CLCN7: variants seen among roughly 807,000 people sequenced by gnomAD.
CLCN7 encodes H(+)/Cl(-) exchange transporter 7.
A neutral mutation model predicts 102.1 loss-of-function variants in CLCN7; 60 were observed. The observed-to-expected ratio is 0.59, with a 90% CI of 0.48 to 0.73. CLCN7 has a LOEUF of 0.73. Ranked by LOEUF, CLCN7 falls within the 30% of genes least tolerant of loss-of-function variation. CLCN7 has a pLI of 0.00. For synonymous variants in CLCN7, 560 were observed against 490.5 expected (o/e 1.14, Z -1.87); for missense variants, 962 against 1,125.7 (o/e 0.85, Z 2.08).
At chr16:1,474,381 G>A (rs2039121807) in intron 1 of CLCN7, 3 of 349,212 alleles carry the variant, frequency 8.6e-6, no homozygotes, top group South Asian at 6.3e-5. Flanking sequence ...ACAGTGACCC[G>A]GCTGCAATCT....
chr16:1,462,771 G>T (rs763092036), intron 2 of CLCN7, among the ~76,000 whole-genome samples: 4 of 151,420 alleles, frequency 2.6e-5, no homozygotes, highest in African/African-American at 9.8e-5. Context: ...AAACATGTAC[G>T]ATCAATTGAT....
intron 1 of CLCN7, 77 bp downstream of exon 1, chr16:1,474,757 C>T: frequency 2.6e-6 from 3 of 1,169,238 alleles, no homozygotes; most frequent in Non-Finnish European, 3.2e-6. Flanking sequence ...CGCGGCGCCG[C>T]CAGAAGGCTC....
Position 1,447,081 on chromosome 16 carries a change from C to G in CLCN7, c.2256G>C (p.Ala752=), listed in dbSNP as rs752493092. ...NPSPYTVPQE[A]SLPRVFKLFR... ...ACAGCTTGAACACCCGTGGGAGCGA[C>G]GCCTCCTGCAGCAGGGGCACAGCTG... is the stretch of plus-strand genomic sequence containing the variant. Residue 752 remains alanine, a synonymous_variant, in exon 24 of 25, where the codon GCG becomes GCC. Coordinates refer to ENST00000382745, the MANE Select transcript of CLCN7 (RefSeq NM_001287.6). 1.3e-6 allele frequency: 2 copies of G among 1,597,052 alleles called. No individual in the cohort carries two copies. Among genetic ancestry groups the G allele is most frequent in the African/African-American group, 2.7e-5 (2 of 74,680 alleles).
At chr16:1,448,214 ACT>A in intron 21 of CLCN7, 139 bp downstream of exon 21, 2 of 1,159,762 alleles carry the variant, frequency 1.7e-6, no homozygotes, top group South Asian at 2.8e-5. Context: ...ATGGCTGCAC[ACT>A]CAGCTTCCGG....
chr16:1,460,427 A>T lies in CLCN7; in HGVS notation c.585T>A (p.Ala195=). Residue 195 remains alanine (A), a synonymous_variant, in exon 6 of 25, where the codon GCT becomes GCA. Transcript: ENST00000382745. ...GCATCCTGCCACCCACCTCTATGAA[A>T]GCCACAATCACAGAGCCCACGAGCA... ...AFVLVGSVIV[A]FIEPVAAGSG... is the part of the protein sequence containing the mutation. The T allele has an allele frequency of 6.2e-7, 1 of 1,612,518 alleles. No individual in the cohort carries two copies. Among genetic ancestry groups the T allele is most frequent in the Non-Finnish European group, 8.5e-7 (1 of 1,178,900 alleles).
chr16:1,461,362 G>A (rs1165476590), intron 4 of CLCN7, 43 bp downstream of exon 4: 1 of 1,522,342 alleles, frequency 6.6e-7, no homozygotes, highest in Non-Finnish European at 8.9e-7. Context: ...CCGGCACCAG[G>A]CCCCGCACCG....
chr16:1,451,306 C>G (rs2038745915), intron 16 of CLCN7, among the ~76,000 whole-genome samples: 2 of 152,184 alleles, frequency 1.3e-5, no homozygotes, highest in South Asian at 4.1e-4. Flanking sequence ...CTTCTGGGCT[C>G]AAGCAATCCT....
intron 10 of CLCN7, 117 bp from the exon 11 acceptor site, chr16:1,455,912 T>G (rs1317538889): frequency 8.3e-7 from 1 of 1,207,278 alleles, no homozygotes; most frequent in African/African-American, 1.5e-5. Context: ...GCTAATGGGG[T>G]GGGCCCCAGC....
intron 2 of CLCN7, among the ~76,000 whole-genome samples, chr16:1,464,430 C>G (rs978337058): frequency 6.6e-6 from 1 of 152,228 alleles, no homozygotes; most frequent in Non-Finnish European, 1.5e-5. Flanking sequence ...CCCACGGCCA[C>G]GAAACAGATC....
intron 17 of CLCN7, chr16:1,450,128 C>G (rs2038721227): frequency 3.0e-6 from 1 of 336,312 alleles, no homozygotes; most frequent in African/African-American, 2.1e-5. Flanking sequence ...GTATGCCGCT[C>G]TGGCCCCCGG....
At chr16:1,458,417 G>A (rs530852640) in intron 7 of CLCN7, among the ~76,000 whole-genome samples, 78 of 152,370 alleles carry the variant, frequency 5.1e-4, no homozygotes, top group South Asian at 2.1e-4. Context: ...AGCCTGGCGC[G>A]GGTGACAGGC....
chr16:1,448,302 T>G, intron 21 of CLCN7, 53 bp downstream of exon 21: 2 of 1,604,474 alleles, frequency 1.2e-6, no homozygotes, highest in Non-Finnish European at 1.7e-6. Flanking sequence ...TTCCCACCAA[T>G]GGACTCGACA....
Position 1,456,217 on chromosome 16 carries a change from G to C in CLCN7, c.823-11C>G, listed in dbSNP as rs2142380133. The stretch of plus-strand genomic sequence containing the variant: ...GAAGTACTCGAAGATCTGCAACAGG[G>C]ACAGACCAGGGTCGGGGCAGGTTCC... On this transcript the variant is annotated splice_polypyrimidine_tract_variant and intron_variant, in intron 9 of 24. Coordinates refer to ENST00000382745, the MANE Select transcript of CLCN7 (RefSeq NM_001287.6). The C allele has an allele frequency of 6.4e-7, 1 of 1,557,952 alleles. No individual in the cohort carries two copies. Among genetic ancestry groups the C allele is most frequent in the Non-Finnish European group, 8.7e-7 (1 of 1,149,582 alleles).
At chr16:1,461,695 G>A in intron 2 of CLCN7, 21 bp from the exon 3 acceptor site, 1 of 1,609,072 alleles carries the variant, frequency 6.2e-7, no homozygotes, top group Non-Finnish European at 8.5e-7. Context: ...AAAAGGCAAA[G>A]AGAGAAGCAC....
At position 1,450,706 on chromosome 16, in the gene CLCN7, C is replaced by CA. The variant is rs755827700; in HGVS notation, c.1448-41_1448-40insT. ...GGGCTGACGGGGCCTCCACGACTCC[C>CA]GCCTCCGCAGGACTGCCCTGCCCCG... On this transcript the variant is annotated intron_variant, in intron 16 of 24. Coordinates refer to ENST00000382745, the MANE Select transcript of CLCN7 (RefSeq NM_001287.6). 7 of 1,275,242 alleles carry CA rather than the reference C, an allele frequency of 5.5e-6. 1 individual carries two copies. Among genetic ancestry groups the CA allele is most frequent in the African/African-American group, 4.0e-5 (2 of 50,622 alleles). The allele number at this position is 1,275,242 out of a possible 1,614,324, so 79.0% of individuals were successfully genotyped here.
Position 1,445,990 on chromosome 16 carries a change from C to G in CLCN7, c.*641G>C. The G allele has an allele frequency of 4.1e-6, 2 of 485,470 alleles. No homozygotes were observed. Among genetic ancestry groups the G allele is most frequent in the South Asian group, 2.8e-5 (1 of 36,348 alleles). 30.1% of individuals were successfully genotyped at this position (485,470 alleles called of 1,614,324 possible). A position where few individuals can be genotyped will look rare whatever the true frequency, so the allele number is the denominator to read the frequency against. On this transcript the variant is annotated 3_prime_UTR_variant, in exon 25 of 25. Transcript: ENST00000382745. ...ACAGCACAGGGCCCGTGAGTCACCCCAGTCCTCTGGGCCTGTGTACCCAAG... is the reference window on the plus strand; with the variant it reads ...ACAGCACAGGGCCCGTGAGTCACCCGAGTCCTCTGGGCCTGTGTACCCAAG...
chr16:1,446,039 C>T lies in CLCN7; in HGVS notation c.*592G>A, dbSNP rs184831951. On this transcript the variant is annotated 3_prime_UTR_variant, in exon 25 of 25. Coordinates refer to ENST00000382745, the MANE Select transcript of CLCN7 (RefSeq NM_001287.6). ...AGCCGGATGCAGGCCGGGGAGTGCA[C>T]GTGGGGCTCCTCTGTGGCGCCAGTG... 446 of 568,248 alleles carry T rather than the reference C, an allele frequency of 7.8e-4. No homozygotes were observed. Among genetic ancestry groups the T allele is most frequent in the African/African-American group, 7.8e-3 (417 of 53,178 alleles). 35.2% of individuals were successfully genotyped at this position (568,248 alleles called of 1,614,324 possible). A position where few individuals can be genotyped will look rare whatever the true frequency, so the allele number is the denominator to read the frequency against.
At chr16:1,459,370 C>G in intron 6 of CLCN7, 183 bp from the exon 7 acceptor site, 2 of 488,980 alleles carry the variant, frequency 4.1e-6, no homozygotes, top group Non-Finnish European at 7.4e-6. Flanking sequence ...CGTCAGGGCC[C>G]CAGGGAAGGG....
In CLCN7 at chr16:1,465,467, G is replaced by C; in HGVS notation, c.142-129C>G. The C allele has an allele frequency of 7.2e-6, 6 of 827,678 alleles. No homozygotes were observed. The South Asian group carries it at 8.7e-5, about 12-fold the overall frequency. The allele number at this position is 827,678 out of a possible 1,614,324, so 51.3% of individuals were successfully genotyped here. A position where few individuals can be genotyped will look rare whatever the true frequency, so the allele number is the denominator to read the frequency against. ...GGAGCTCAGGAATGGGCTAGGCCAGGCCTGCCTGCTGGGTGGGGGCAGCAG... is the reference window on the plus strand; with the variant it reads ...GGAGCTCAGGAATGGGCTAGGCCAGCCCTGCCTGCTGGGTGGGGGCAGCAG... On this transcript the variant is annotated intron_variant, in intron 1 of 24. Coordinates refer to ENST00000382745, the MANE Select transcript of CLCN7 (RefSeq NM_001287.6).
Sources: gnomAD v4.1 joint callset for allele counts (sites outside exome capture counted in the v4.1 genomes callset) on GRCh38, gnomAD v4.1.1 for gene constraint, MANE v1.5 for transcripts, NCBI Gene and HGNC (gene_info 2026-07-23, HGNC 2026-07-21) for gene names.